RNASEH2B: variants seen among roughly 807,000 people sequenced by gnomAD.
The protein encoded by RNASEH2B is Aicardi-Goutieres syndrome 2 protein.
In RNASEH2B, 36 loss-of-function variants were observed where a neutral mutation model predicts 45.0. That is an observed-to-expected ratio of 0.80 (90% CI 0.61 to 1.06). The LOEUF is 1.06. RNASEH2B is among the 50% of genes least tolerant of loss of function. The pLI is 0.00. For missense variants in RNASEH2B, 361 were observed against 360.3 expected (o/e 1.00, Z -0.02); for synonymous variants, 119 against 125.7 (o/e 0.95, Z 0.35).
intron 1 of RNASEH2B, among the ~76,000 whole-genome samples, chr13:50,924,255 ACTC>A (rs1280459555): frequency 6.6e-6 from 1 of 152,132 alleles, no homozygotes; most frequent in Non-Finnish European, 1.5e-5. Context: ...AGGGAGGAAA[ACTC>A]CTGACCCAAT....
chr13:50,913,932 C>T (rs1459964347), intron 1 of RNASEH2B, among the ~76,000 whole-genome samples: 2 of 151,800 alleles, frequency 1.3e-5, no homozygotes, highest in Non-Finnish European at 2.9e-5. Context: ...TGCATTAGAA[C>T]TATGTTCTAA....
chr13:50,958,340 A>G (rs932123945), downstream of RNASEH2B, among the ~76,000 whole-genome samples: 2 of 152,190 alleles, frequency 1.3e-5, no homozygotes, highest in African/African-American at 2.4e-5. Flanking sequence ...TCATTTATTG[A>G]ACAGGGAGTC....
At chr13:50,944,976 A>T (rs78505134) in intron 6 of RNASEH2B, among the ~76,000 whole-genome samples, 1,561 of 152,348 alleles carry the variant, frequency 0.01, 26 homozygotes, top group African/African-American at 0.036. Context: ...AAGTTATTAC[A>T]TATAAATTTT....
At chr13:50,933,850 T>A (rs1216447859) in intron 4 of RNASEH2B, 1 of 152,184 alleles carries the variant, frequency 6.6e-6, no homozygotes, top group East Asian at 1.9e-4. Context: ...TTGGGAAAAA[T>A]CTGTGCATTA....
At chr13:50,950,891 G>A (rs965951730) in intron 9 of RNASEH2B, 2 of 152,162 alleles carry the variant, frequency 1.3e-5, no homozygotes, top group Non-Finnish European at 2.9e-5. Context: ...TTAGATCAGA[G>A]ATCAGCAAAC....
At chr13:50,938,931 A>C (rs531721918) in intron 5 of RNASEH2B, 1 of 152,210 alleles carries the variant, frequency 6.6e-6, no homozygotes, top group Non-Finnish European at 1.5e-5. Context: ...TGTGGAGATC[A>C]GGCACAATGA....
At chr13:50,969,920 T>C (rs1375998541) in intron 9 of RNASEH2B, 1 of 1,551,508 alleles carries the variant, frequency 6.4e-7, no homozygotes. Context: ...CATGTTTTCC[T>C]TTCCTCTCTA....
In RNASEH2B at chr13:50,927,414, A is replaced by G. The variant is rs748052389; in HGVS notation, c.72A>G (p.Leu24=). 3.8e-6 allele frequency: 6 copies of G among 1,579,894 alleles called. No individual in the cohort carries two copies. The highest frequency in any genetic ancestry group is 5.2e-6 in the Non-Finnish European group (6 of 1,149,070). ...TTCACGGTTTATTTTCAGAATATTTAAAAGATGCTTCAAAGAAGATGAAAA... is the reference window on the plus strand; with the variant it reads ...TTCACGGTTTATTTTCAGAATATTTGAAAGATGCTTCAAAGAAGATGAAAA... ...RQHVFLVSEY[L]KDASKKMKNG... is the part of the protein sequence containing the mutation. The change falls in exon 2 of 11, where the codon TTA becomes TTG. Residue 24 remains leucine (L), a synonymous_variant. Transcript: ENST00000336617.
chr13:50,921,772 G>C (rs1463029379), intron 1 of RNASEH2B, among the ~76,000 whole-genome samples: 2 of 152,164 alleles, frequency 1.3e-5, no homozygotes, highest in East Asian at 3.8e-4. Context: ...CAGAACCCCT[G>C]AGATTAGCCA....
chr13:50,930,873 A>C, intron 4 of RNASEH2B, 114 bp downstream of exon 4: 1 of 833,876 alleles, frequency 1.2e-6, no homozygotes. Context: ...CAGATCTATT[A>C]TAGTGACTAG....
intron 9 of RNASEH2B, among the ~76,000 whole-genome samples, chr13:50,964,540 A>G (rs540212843): frequency 1.3e-5 from 2 of 152,314 alleles, no homozygotes; most frequent in South Asian, 4.1e-4. Context: ...AAACACTTGC[A>G]TTATTATCCC....
At chr13:50,926,081 T>C (rs1951590760) in intron 1 of RNASEH2B, among the ~76,000 whole-genome samples, 1 of 150,952 alleles carries the variant, frequency 6.6e-6, no homozygotes, top group African/African-American at 2.5e-5. Flanking sequence ...TTTTGTGGGT[T>C]TTTGTTGTTG....
intron 1 of RNASEH2B, chr13:50,911,669 A>G (rs1288132515): frequency 6.6e-5 from 10 of 152,186 alleles, no homozygotes; most frequent in Non-Finnish European, 1.5e-5. Context: ...GGGTGGTAAA[A>G]CAGCTAATGC....
At position 50,956,584 on chromosome 13, in the gene RNASEH2B, A is replaced by T. The variant is rs761886682; in HGVS notation, c.*110A>T. ...TTGGGGGAAGGAAGAGGCCAATTTC[A>T]TGTTCTCTTAAACATTTCTTTGCAT... On this transcript the variant is annotated 3_prime_UTR_variant, in exon 11 of 11. Coordinates refer to ENST00000336617, the MANE Select transcript of RNASEH2B (RefSeq NM_024570.4). 1.3e-6 allele frequency: 2 copies of T among 1,511,996 alleles called. No homozygotes were observed. Among genetic ancestry groups the T allele is most frequent in the South Asian group, 2.5e-5 (2 of 80,642 alleles). 93.7% of individuals were successfully genotyped at this position (1,511,996 alleles called of 1,614,324 possible). A position where few individuals can be genotyped will look rare whatever the true frequency, so the allele number is the denominator to read the frequency against.
chr13:50,951,813 A>G (rs1951979431), intron 9 of RNASEH2B: 1 of 152,108 alleles, frequency 6.6e-6, no homozygotes, highest in African/African-American at 2.4e-5. Context: ...TAACATACAA[A>G]CTAGTTATAT....
intron 9 of RNASEH2B, chr13:50,969,840 G>C: frequency 1.5e-6 from 2 of 1,294,010 alleles, no homozygotes; most frequent in South Asian, 1.3e-5. Flanking sequence ...CCAGCCCTGC[G>C]TTCTGTTCTA....
rs1236916651 is a variant in RNASEH2B, at chr13:50,948,198, C to G, written c.698+130C>G. On this transcript the variant is annotated intron_variant, in intron 8 of 10. Transcript: ENST00000336617. ...GATTATTCTTCAGCTATGTCATATACTTTGTGCTTTGGGGATGATTTTTAA... is the reference window on the plus strand; with the variant it reads ...GATTATTCTTCAGCTATGTCATATAGTTTGTGCTTTGGGGATGATTTTTAA... The G allele has an allele frequency of 2.1e-6, 3 of 1,437,044 alleles. No individual in the cohort carries two copies. In the East Asian group the frequency reaches 7.1e-5, roughly 34 times the overall value. 89.0% of individuals were successfully genotyped at this position (1,437,044 alleles called of 1,614,324 possible).
chr13:50,961,020 C>A (rs1414901989), downstream of RNASEH2B, among the ~76,000 whole-genome samples: 1 of 151,958 alleles, frequency 6.6e-6, no homozygotes, highest in African/African-American at 2.4e-5. Context: ...TCTAATATTT[C>A]TTTTTGATTA....
intron 1 of RNASEH2B, chr13:50,911,690 G>T (rs1879405997): frequency 6.6e-6 from 1 of 152,168 alleles, no homozygotes; most frequent in African/African-American, 2.4e-5. Context: ...AAAATTCAGG[G>T]TTTTGACAGA....
Sources: gnomAD v4.1 joint callset for allele counts (sites outside exome capture counted in the v4.1 genomes callset) on GRCh38, gnomAD v4.1.1 for gene constraint, MANE v1.5 for transcripts, NCBI Gene and HGNC (gene_info 2026-07-23, HGNC 2026-07-21) for gene names.